The following GSDME variants were observed in gnomAD, a reference collection of about 807,000 sequenced individuals.
The protein encoded by GSDME is gasdermin E, also known as gasdermin-E.
A neutral mutation model predicts 47.5 loss-of-function variants in GSDME; 44 were observed. The observed-to-expected ratio is 0.93, with a 90% CI of 0.73 to 1.19. The LOEUF (loss-of-function observed/expected upper bound fraction) is 1.19, where lower values mean the gene tolerates loss of function less well. GSDME is among the 50% of genes most tolerant of loss of function. The pLI is 0.00. For synonymous variants in GSDME, 258 were observed against 252.8 expected (o/e 1.02, Z -0.20); for missense variants, 663 against 604.2 (o/e 1.10, Z -1.02).
chr7:24,777,899 C>A, the GSDME span, among the ~76,000 whole-genome samples: 3 of 151,898 alleles, frequency 2.0e-5, no homozygotes, highest in Admixed American at 2.0e-4. Context: ...TTTATGAAAC[C>A]ATAATTCTTT....
In GSDME at chr7:24,716,383, A is replaced by C. The variant is rs575646325; in HGVS notation, c.697+871T>G. On this transcript the variant is annotated intron_variant, in intron 5 of 9. Coordinates refer to ENST00000645220, the MANE Select transcript of GSDME (RefSeq NM_001127453.2). The surrounding 1 kb of genome is among the most constrained non-coding windows in gnomAD (Gnocchi z 4.5). ...TTACCATTTCATCCGTGAATGTTTC[A>C]GTGTACATCTCTCAAAGATAGGATG... is the stretch of plus-strand genomic sequence containing the variant. 1 of 152,374 alleles carries C rather than the reference A, an allele frequency of 6.6e-6. No individual in the cohort carries two copies. Among genetic ancestry groups the C allele is most frequent in the South Asian group, 2.1e-4 (1 of 4,834 alleles). The allele number at this position is 152,374 out of a possible 1,614,324, so 9.4% of individuals were successfully genotyped here. A position where few individuals can be genotyped will look rare whatever the true frequency, so the allele number is the denominator to read the frequency against.
chr7:24,766,183 T>TTGTGTGTGTGTGTGTG, the GSDME span, among the ~76,000 whole-genome samples: 41 of 144,614 alleles, frequency 2.8e-4, no homozygotes, highest in East Asian at 1.7e-3. The surrounding 1 kb of genome is among the most constrained non-coding windows in gnomAD (Gnocchi z 4.2). Flanking sequence ...ATTACATTAT[T>TTGTGTGTGTGTGTGTG]TGTGTGTGTG....
At chr7:24,774,985 A>G in the GSDME span, among the ~76,000 whole-genome samples, 7 of 152,158 alleles carry the variant, frequency 4.6e-5, no homozygotes, top group Non-Finnish European at 8.8e-5. Context: ...ACAAGCAACT[A>G]AATAATGCAT....
chr7:24,758,797 C>A (rs952357344), upstream of GSDME, among the ~76,000 whole-genome samples: 2 of 152,136 alleles, frequency 1.3e-5, no homozygotes, highest in Admixed American at 6.6e-5. The surrounding 1 kb of genome is among the most constrained non-coding windows in gnomAD (Gnocchi z 4.6). Flanking sequence ...GCACTCACCA[C>A]CATCTGATAG....
intron 6 of GSDME, among the ~76,000 whole-genome samples, chr7:24,708,761 T>G (rs1322258207): frequency 1.3e-5 from 2 of 152,240 alleles, no homozygotes; most frequent in Non-Finnish European, 2.9e-5. Flanking sequence ...CCTATTTTCA[T>G]GGCAAGCACA....
Position 24,698,934 on chromosome 7 carries a change from T to C in GSDME, c.*92A>G. 1 of 914,840 alleles carries C rather than the reference T, an allele frequency of 1.1e-6. No homozygotes were observed. The allele number at this position is 914,840 out of a possible 1,614,324, so 56.7% of individuals were successfully genotyped here. ...TTCTTAAACTGTTCTGTAAATTCAT[T>C]TCATTGGTCAACTTTTAACGTGCAT... is the stretch of plus-strand genomic sequence containing the variant. On this transcript the variant is annotated 3_prime_UTR_variant, in exon 10 of 10. Coordinates refer to ENST00000645220, the MANE Select transcript of GSDME (RefSeq NM_001127453.2).
rs552845243 is a variant in GSDME at position 24,756,705 on chromosome 7, T to C, written c.-20+691A>G. On this transcript the variant is annotated intron_variant, in intron 1 of 9. Transcript: ENST00000645220. This position sits in a 1 kb window ranked among gnomAD's most constrained non-coding sequence, Gnocchi z 4.2. Reference sequence around the variant, plus strand: ...CAGCGCTTTTCTAAGAGGTGCCCTCTAGTCTTTCCCCTCGGGGTGCAGACG... The same window carrying C: ...CAGCGCTTTTCTAAGAGGTGCCCTCCAGTCTTTCCCCTCGGGGTGCAGACG... Among the ~76,000 whole-genome samples the C allele has an allele frequency of 2.0e-5, 3 of 152,292 alleles. No individual in the cohort carries two copies. Among genetic ancestry groups the C allele is most frequent in the African/African-American group, 7.2e-5 (3 of 41,566 alleles).
the GSDME span, among the ~76,000 whole-genome samples, chr7:24,767,454 C>T: frequency 6.6e-6 from 1 of 151,588 alleles, no homozygotes; most frequent in South Asian, 2.1e-4. This position sits in a 1 kb window ranked among gnomAD's most constrained non-coding sequence, Gnocchi z 5.3. Context: ...TATGTATGCC[C>T]AGTCTCATTC....
intron 6 of GSDME, among the ~76,000 whole-genome samples, chr7:24,709,019 A>G (rs1310979318): frequency 6.6e-6 from 1 of 152,200 alleles, no homozygotes; most frequent in Non-Finnish European, 1.5e-5. Context: ...ATGCACACTA[A>G]TACATCAATG....
the GSDME span, among the ~76,000 whole-genome samples, chr7:24,772,410 G>A: frequency 6.6e-6 from 1 of 152,186 alleles, no homozygotes; most frequent in Non-Finnish European, 1.5e-5. The surrounding 1 kb of genome is among the most constrained non-coding windows in gnomAD (Gnocchi z 4.5). Flanking sequence ...AACTGATTGT[G>A]TGTTTGTTTA....
the GSDME span, among the ~76,000 whole-genome samples, chr7:24,788,312 A>T: frequency 1.6e-3 from 243 of 152,084 alleles, 2 homozygotes; most frequent in Non-Finnish European, 2.5e-3. This position sits in a 1 kb window ranked among gnomAD's most constrained non-coding sequence, Gnocchi z 4.6. Flanking sequence ...AGGGCCTGGG[A>T]TAGTTCTTCC....
At chr7:24,713,879 C>A (rs1156492261) in intron 5 of GSDME, among the ~76,000 whole-genome samples, 1 of 152,306 alleles carries the variant, frequency 6.6e-6, no homozygotes, top group African/African-American at 2.4e-5. Flanking sequence ...ACTGCTTGAG[C>A]CCAGAGTTCA....
rs573100123 is a variant in GSDME, at chr7:24,756,980, C to T, written c.-20+416G>A. ...CACGCCCCCGAGCCGGGAGAGCCTC[C>T]GCAGCACCCAGAGAAGAGACCGGAA... is the stretch of plus-strand genomic sequence containing the variant. On this transcript the variant is annotated intron_variant, in intron 1 of 9. Transcript: ENST00000645220. The surrounding 1 kb of genome is among the most constrained non-coding windows in gnomAD (Gnocchi z 4.2). Among the ~76,000 whole-genome samples the T allele has an allele frequency of 1.3e-4, 20 of 152,028 alleles. No individual in the cohort carries two copies. Among genetic ancestry groups the T allele is most frequent in the Admixed American group, 1.3e-4 (2 of 15,290 alleles).
chr7:24,791,241 G>A, the GSDME span, among the ~76,000 whole-genome samples: 1 of 152,194 alleles, frequency 6.6e-6, no homozygotes, highest in African/African-American at 2.4e-5. The surrounding 1 kb of genome is among the most constrained non-coding windows in gnomAD (Gnocchi z 4.8). Flanking sequence ...ATCTACACCT[G>A]ATCACCTTTG....
the GSDME span, among the ~76,000 whole-genome samples, chr7:24,777,470 G>A: frequency 1.3e-5 from 2 of 152,156 alleles, no homozygotes; most frequent in Non-Finnish European, 2.9e-5. Context: ...TGAAAGTAGA[G>A]CTCCTCTAGA....
At chr7:24,701,861 T>C (rs1788882145) in intron 9 of GSDME, among the ~76,000 whole-genome samples, 1 of 152,236 alleles carries the variant, frequency 6.6e-6, no homozygotes, top group Non-Finnish European at 1.5e-5. Context: ...CATAGTCTTC[T>C]AATGTCTTTG....
At chr7:24,755,629 G>T (rs1217101098) in intron 1 of GSDME, among the ~76,000 whole-genome samples, 1 of 152,214 alleles carries the variant, frequency 6.6e-6, no homozygotes, top group Non-Finnish European at 1.5e-5. Flanking sequence ...GACTGGAGGG[G>T]ATTGAACATC....
intron 8 of GSDME, chr7:24,704,456 A>G (rs1303462824): frequency 6.6e-6 from 1 of 152,208 alleles, no homozygotes; most frequent in African/African-American, 2.4e-5. Context: ...GATTATATTA[A>G]GAGGAAAAAA....
rs995198843 is a variant in GSDME at position 24,714,756 on chromosome 7, C to T, written c.697+2498G>A. ...AGAGGCTACCTCCACAGAGCTGCGT[C>T]AGGGCAGGGTCTGGTCACCTCCTGG... On this transcript the variant is annotated intron_variant, in intron 5 of 9. Transcript: ENST00000645220. The surrounding 1 kb of genome is among the most constrained non-coding windows in gnomAD (Gnocchi z 5.0). Among the ~76,000 whole-genome samples the T allele has an allele frequency of 1.3e-5, 2 of 152,232 alleles. No homozygotes were observed. Among genetic ancestry groups the T allele is most frequent in the Non-Finnish European group, 2.9e-5 (2 of 68,042 alleles).
Sources: allele counts gnomAD v4.1 joint callset (sites outside exome capture counted in the v4.1 genomes callset), GRCh38; gene constraint gnomAD v4.1.1; non-coding constraint Gnocchi (gnomAD v3.1); transcripts MANE v1.5; gene names NCBI Gene and HGNC (gene_info 2026-07-23, HGNC 2026-07-21).